Variants in VEPH1 observed in about 807,000 individuals in gnomAD.
The protein encoded by VEPH1 is ventricular zone expressed PH domain containing 1, also known as ventricular zone-expressed PH domain-containing protein homolog 1.
A neutral mutation model predicts 85.2 loss-of-function variants in VEPH1; 80 were observed. That is an observed-to-expected ratio of 0.94 (90% CI 0.78 to 1.13). The LOEUF is 1.13. Among genes scored for constraint, VEPH1 ranks in the 50% most tolerant of loss-of-function variants. The pLI is 0.00. For missense variants in VEPH1, 955 were observed against 980.5 expected (o/e 0.97, Z 0.35); for synonymous variants, 297 against 348.0 (o/e 0.85, Z 1.63).
At chr3:157,311,496 TA>T (rs1182291700) in intron 11 of VEPH1, among the ~76,000 whole-genome samples, 5 of 152,324 alleles carry the variant, frequency 3.3e-5, no homozygotes, top group Admixed American at 1.3e-4. Flanking sequence ...ACTTGAGAAA[TA>T]CTTGGGCAGA....
intron 3 of VEPH1, 65 bp from the exon 4 acceptor site, chr3:157,460,420 T>C: frequency 6.5e-7 from 1 of 1,536,190 alleles, no homozygotes; most frequent in Non-Finnish European, 8.8e-7. Flanking sequence ...ATTCATTCAC[T>C]CATTCAAAAA....
intron 4 of VEPH1, among the ~76,000 whole-genome samples, chr3:157,448,206 TATC>T (rs1358310380): frequency 1.3e-5 from 2 of 152,314 alleles, no homozygotes; most frequent in East Asian, 3.9e-4. Context: ...GAGCTGAATT[TATC>T]ATAATTAACT....
chr3:157,314,123 G>T (rs915062571), intron 10 of VEPH1, among the ~76,000 whole-genome samples: 1 of 151,792 alleles, frequency 6.6e-6, no homozygotes, highest in Non-Finnish European at 1.5e-5. Flanking sequence ...ACGAGGTCAG[G>T]AGATCGAGGC....
chr3:157,354,735 G>A (rs1478841501), intron 9 of VEPH1, among the ~76,000 whole-genome samples: 1 of 152,122 alleles, frequency 6.6e-6, no homozygotes, highest in East Asian at 1.9e-4. Flanking sequence ...TCCAAGAAGG[G>A]AGAGATTTGC....
intron 9 of VEPH1, among the ~76,000 whole-genome samples, chr3:157,348,720 A>G (rs1055082473): frequency 1.8e-4 from 28 of 152,112 alleles, no homozygotes; most frequent in African/African-American, 6.8e-4. Context: ...GCTTCCAATC[A>G]CCACATGTGC....
intron 4 of VEPH1, among the ~76,000 whole-genome samples, chr3:157,454,296 G>A (rs1735198544): frequency 6.6e-6 from 1 of 152,144 alleles, no homozygotes; most frequent in African/African-American, 2.4e-5. Context: ...ATACTGACTA[G>A]TATTATTAAT....
intron 7 of VEPH1, among the ~76,000 whole-genome samples, chr3:157,371,455 G>T (rs934763151): frequency 4.9e-4 from 74 of 152,304 alleles, no homozygotes; most frequent in African/African-American, 1.7e-3. Context: ...TCAGCAAAAA[G>T]TGCAAAGCCC....
At chr3:157,312,683 T>C (rs1385587504) in intron 11 of VEPH1, among the ~76,000 whole-genome samples, 1 of 152,172 alleles carries the variant, frequency 6.6e-6, no homozygotes, top group South Asian at 2.1e-4. Context: ...TCCTGTTGAT[T>C]TGACTTTCTT....
intron 10 of VEPH1, among the ~76,000 whole-genome samples, chr3:157,316,641 T>C (rs761369027): frequency 2.6e-5 from 4 of 151,898 alleles, no homozygotes; most frequent in Non-Finnish European, 5.9e-5. Context: ...ACATATATTC[T>C]ATAGAAAAAA....
intron 3 of VEPH1, among the ~76,000 whole-genome samples, chr3:157,465,485 T>G (rs904704895): frequency 2.0e-5 from 3 of 152,228 alleles, no homozygotes; most frequent in Non-Finnish European, 4.4e-5. Context: ...CCTCTTAATA[T>G]CTGCATTTTA....
At position 157,490,062 on chromosome 3, in the gene VEPH1, A is replaced by G. The variant is rs182849562; in HGVS notation, c.138+5150T>C. ...ACCTCTTTGAGCAACATTTAAAAACATATAAATAAAGGGATAGAAATGTAA... is the reference window on the plus strand; with the variant it reads ...ACCTCTTTGAGCAACATTTAAAAACGTATAAATAAAGGGATAGAAATGTAA... On this transcript the variant is annotated intron_variant, in intron 2 of 13. Coordinates refer to ENST00000362010, the MANE Select transcript of VEPH1 (RefSeq NM_001167912.2). Among the ~76,000 whole-genome samples the G allele has an allele frequency of 3.9e-5, 6 of 152,172 alleles. No individual in the cohort carries two copies. In the East Asian group the frequency reaches 1.2e-3, roughly 29 times the overall value.
At chr3:157,320,721 T>C (rs1311698963) in intron 9 of VEPH1, among the ~76,000 whole-genome samples, 2 of 152,054 alleles carry the variant, frequency 1.3e-5, no homozygotes, top group African/African-American at 4.8e-5. Context: ...AACATGAACA[T>C]AAGTAATTAT....
At chr3:157,460,096 G>T (rs1348475881) in intron 4 of VEPH1, 85 bp downstream of exon 4, 2 of 1,612,486 alleles carry the variant, frequency 1.2e-6, no homozygotes, top group Non-Finnish European at 1.7e-6. Flanking sequence ...TCTAGGTCTT[G>T]CTTCCCACAA....
chr3:157,310,483 A>C (rs934498044), intron 11 of VEPH1, among the ~76,000 whole-genome samples: 5 of 152,226 alleles, frequency 3.3e-5, no homozygotes, highest in Admixed American at 2.0e-4. Context: ...GGAGCACAGC[A>C]GATCTTAAAG....
chr3:157,347,883 T>C (rs1273513704), intron 9 of VEPH1, among the ~76,000 whole-genome samples: 1 of 152,120 alleles, frequency 6.6e-6, no homozygotes, highest in Non-Finnish European at 1.5e-5. Flanking sequence ...GAACACAAAG[T>C]GTATACTCTC....
intron 4 of VEPH1, among the ~76,000 whole-genome samples, chr3:157,443,878 A>G (rs1038844879): frequency 6.6e-6 from 1 of 152,230 alleles, no homozygotes; most frequent in African/African-American, 2.4e-5. Context: ...CCATTTGACA[A>G]TTCTAGGAGC....
chr3:157,465,582 A>T (rs1439203529), intron 3 of VEPH1, among the ~76,000 whole-genome samples: 1 of 152,200 alleles, frequency 6.6e-6, no homozygotes, highest in Non-Finnish European at 1.5e-5. Context: ...CCTACTGAAT[A>T]AACTGCTAGA....
intron 9 of VEPH1, among the ~76,000 whole-genome samples, chr3:157,325,743 C>G (rs1328816717): frequency 6.6e-6 from 1 of 152,032 alleles, no homozygotes; most frequent in African/African-American, 2.4e-5. Flanking sequence ...GTTACTGTAG[C>G]CTTGTAGTAT....
chr3:157,305,120 T>G, intron 11 of VEPH1, among the ~76,000 whole-genome samples: 1 of 136,574 alleles, frequency 7.3e-6, no homozygotes, highest in Non-Finnish European at 1.6e-5. Context: ...TTTTTTTTTT[T>G]TTTTTTTGAG....
Sources: allele counts gnomAD v4.1 joint callset (sites outside exome capture counted in the v4.1 genomes callset), GRCh38; gene constraint gnomAD v4.1.1; transcripts MANE v1.5; gene names NCBI Gene and HGNC (gene_info 2026-07-23, HGNC 2026-07-21).